Variants in CFAP52 observed in about 807,000 individuals in gnomAD.
CFAP52 encodes cilia and flagella associated protein 52.
A neutral mutation model predicts 70.5 loss-of-function variants in CFAP52; 57 were observed. The observed-to-expected ratio is 0.81, with a 90% CI of 0.65 to 1.01. The LOEUF (loss-of-function observed/expected upper bound fraction) is 1.01, where lower values mean the gene tolerates loss of function less well. CFAP52 is among the 50% of genes least tolerant of loss of function. The pLI, the probability that CFAP52 is intolerant of heterozygous loss-of-function variation, is 0.00. For synonymous variants in CFAP52, 267 were observed against 292.5 expected (o/e 0.91, Z 0.89); for missense variants, 785 against 788.5 (o/e 1.00, Z 0.05).
At chr17:9,629,967 T>C (rs1017779552) in intron 9 of CFAP52, among the ~76,000 whole-genome samples, 1 of 151,916 alleles carries the variant, frequency 6.6e-6, no homozygotes, top group Non-Finnish European at 1.5e-5. Context: ...CTTCTCCACA[T>C]AGGGCTGCCA....
chr17:9,635,681 G>A (rs1184707395), intron 11 of CFAP52, 125 bp downstream of exon 11: 1 of 1,269,710 alleles, frequency 7.9e-7, no homozygotes, highest in Non-Finnish European at 1.1e-6. Flanking sequence ...CACAGTAAAG[G>A]GATGTTCATC....
At chr17:9,621,941 A>T (rs1324381162) in intron 8 of CFAP52, among the ~76,000 whole-genome samples, 12 of 151,210 alleles carry the variant, frequency 7.9e-5, no homozygotes, top group Admixed American at 7.9e-4. Flanking sequence ...CCAGCATGGC[A>T]CATGTATACA....
rs762407977 is a variant in CFAP52 at position 9,586,699 on chromosome 17, C to G, written c.272C>G (p.Ala91Gly). Residue 91 changes from alanine to glycine, a missense_variant and splice_region_variant, in exon 3 of 14, where the codon GCA becomes GGA. Physicochemically the swap from Ala to Gly is moderately conservative, Grantham distance 60. Transcript: ENST00000352665. Reference protein sequence around the residue: ...SGQVTFMGFKADIILWDYKNR... With the variant: ...SGQVTFMGFKGDIILWDYKNR... ...CTGACGGTGTGTTCTTGCCCCCAGG[C>G]AGACATCATTTTGTGGGATTATAAG... 1.1e-5 allele frequency: 17 copies of G among 1,609,654 alleles called. 1 individual carries two copies. The South Asian group carries it at 1.8e-4, about 17-fold the overall frequency.
At chr17:9,597,803 AAGAGAGAG>A (rs10548437) in intron 4 of CFAP52, among the ~76,000 whole-genome samples, 16 of 139,122 alleles carry the variant, frequency 1.2e-4, no homozygotes, top group African/African-American at 4.1e-4. Context: ...CTCTGTCAGA[AAGAGAGAG>A]AGAGAGAGAG....
At chr17:9,638,509 C>A in intron 11 of CFAP52, 100 bp from the exon 12 acceptor site, 1 of 1,134,750 alleles carries the variant, frequency 8.8e-7, no homozygotes, top group South Asian at 1.4e-5. Flanking sequence ...GGAGATAAAC[C>A]AACCCAAATC....
intron 6 of CFAP52, among the ~76,000 whole-genome samples, chr17:9,603,796 C>T (rs368549775): frequency 2.6e-5 from 4 of 152,162 alleles, no homozygotes; most frequent in South Asian, 2.1e-4. Flanking sequence ...GTAACAAACC[C>T]GCATGTTCTG....
chr17:9,614,445 C>T (rs1010590991), intron 8 of CFAP52, among the ~76,000 whole-genome samples: 20 of 152,308 alleles, frequency 1.3e-4, no homozygotes, highest in South Asian at 1.2e-3. Flanking sequence ...CGTGAGCCAC[C>T]ACGCCTGGCC....
At chr17:9,644,401 G>C (rs1222356264), downstream of CFAP52, among the ~76,000 whole-genome samples, 2 of 152,132 alleles carry the variant, frequency 1.3e-5, no homozygotes, top group Non-Finnish European at 2.9e-5. Flanking sequence ...CACCGCGCCC[G>C]GCCAGGATCA....
intron 4 of CFAP52, among the ~76,000 whole-genome samples, chr17:9,596,346 C>T (rs1029278435): frequency 1.3e-5 from 2 of 151,814 alleles, no homozygotes; most frequent in African/African-American, 4.8e-5. Context: ...GGCAATCCAC[C>T]TGCCTCGGCC....
At chr17:9,597,044 G>C (rs1416268099) in intron 4 of CFAP52, among the ~76,000 whole-genome samples, 3 of 151,950 alleles carry the variant, frequency 2.0e-5, no homozygotes, top group African/African-American at 7.3e-5. Flanking sequence ...ACTGAAATTT[G>C]ATGTCCTTTG....
At position 9,632,967 on chromosome 17, in the gene CFAP52, C is replaced by G; in HGVS notation, c.1254C>G (p.Ile418Met). Reference sequence around the variant, plus strand: ...ATGTCATTAACAATGCTCACAGGATCGGCGTCACCGCCATCGCCACCACCA... The same window carrying G: ...ATGTCATTAACAATGCTCACAGGATGGGCGTCACCGCCATCGCCACCACCA... ...LMYVINNAHRIGVTAIATTSD... is the reference protein window; with the variant it reads ...LMYVINNAHRMGVTAIATTSD... The change falls in exon 10 of 14, where the codon ATC (isoleucine) becomes ATG (methionine). Residue 418 changes from isoleucine to methionine, a missense_variant. Physicochemically the swap from Ile to Met is conservative, Grantham distance 10 (BLOSUM62 1). Transcript: ENST00000352665. The G allele has an allele frequency of 6.2e-7, 1 of 1,614,202 alleles. No homozygotes were observed. The highest frequency in any genetic ancestry group is 8.5e-7 in the Non-Finnish European group (1 of 1,180,044).
intron 8 of CFAP52, among the ~76,000 whole-genome samples, chr17:9,615,825 A>T (rs1197802149): frequency 8.0e-6 from 1 of 125,246 alleles, no homozygotes; most frequent in East Asian, 2.3e-4. Flanking sequence ...TTTTTCCCAG[A>T]AACAGGGTCT....
intron 1 of CFAP52, among the ~76,000 whole-genome samples, chr17:9,582,420 T>G (rs987572595): frequency 2.6e-5 from 4 of 152,228 alleles, no homozygotes; most frequent in Admixed American, 2.0e-4. Context: ...GTTGCATCTC[T>G]TTTTGTAGGT....
intron 8 of CFAP52, among the ~76,000 whole-genome samples, chr17:9,622,147 G>A (rs564959734): frequency 1.8e-4 from 28 of 152,104 alleles, no homozygotes; most frequent in African/African-American, 6.7e-4. Flanking sequence ...AAATTATTTG[G>A]AATTCTAGAT....
At chr17:9,583,564 G>C (rs1009108431) in intron 1 of CFAP52, among the ~76,000 whole-genome samples, 1 of 151,980 alleles carries the variant, frequency 6.6e-6, no homozygotes, top group African/African-American at 2.4e-5. Context: ...GGCATAAAAG[G>C]AGACTTATGA....
chr17:9,586,052 G>A (rs1445920722), intron 2 of CFAP52, 80 bp downstream of exon 2: 6 of 1,411,344 alleles, frequency 4.3e-6, no homozygotes, highest in South Asian at 2.4e-5. Flanking sequence ...CAAGTTGTTA[G>A]TTCTATGTGG....
At chr17:9,593,254 T>C (rs1476172168) in intron 3 of CFAP52, among the ~76,000 whole-genome samples, 2 of 152,106 alleles carry the variant, frequency 1.3e-5, no homozygotes, top group East Asian at 1.9e-4. Flanking sequence ...CAGTGTAGGA[T>C]AAAGTTGTAT....
intron 4 of CFAP52, 126 bp from the exon 5 acceptor site, chr17:9,598,108 A>G (rs1449714889): frequency 1.6e-5 from 11 of 669,960 alleles, no homozygotes; most frequent in Admixed American, 5.5e-5. Flanking sequence ...AAGATCTTTC[A>G]TAGTGCACTA....
At chr17:9,577,292 G>A (rs996349597) in intron 1 of CFAP52, among the ~76,000 whole-genome samples, 2 of 152,218 alleles carry the variant, frequency 1.3e-5, no homozygotes, top group East Asian at 1.9e-4. Flanking sequence ...CTAATCCTAA[G>A]GAAGGTTTCT....
Sources: gnomAD v4.1 joint callset for allele counts (sites outside exome capture counted in the v4.1 genomes callset) on GRCh38, gnomAD v4.1.1 for gene constraint, MANE v1.5 for transcripts, NCBI Gene and HGNC (gene_info 2026-07-23, HGNC 2026-07-21) for gene names.